TEKT3: variants seen among roughly 807,000 people sequenced by gnomAD.
TEKT3 encodes the protein tektin 3, also known as tektin-3.
In TEKT3, 49 loss-of-function variants were observed where a neutral mutation model predicts 49.8. The observed-to-expected ratio is 0.98, with a 90% CI of 0.78 to 1.25. The LOEUF is 1.25. Among genes scored for constraint, TEKT3 ranks in the 50% most tolerant of loss-of-function variants. The probability of loss-of-function intolerance (pLI) is 0.00; values close to 1 mark genes in which losing one functional copy is unlikely to be tolerated. For synonymous variants in TEKT3, 225 were observed against 237.2 expected, an observed-to-expected ratio of 0.95 and a Z score of 0.47; for missense variants, 595 against 629.5, an observed-to-expected ratio of 0.95 and a Z score of 0.59.
At chr17:15,306,089 A>ATATATATATATATGTGTGTGTG (rs1291765039) in intron 8 of TEKT3, among the ~76,000 whole-genome samples, 3 of 144,314 alleles carry the variant, frequency 2.1e-5, no homozygotes, top group Admixed American at 7.0e-5. Flanking sequence ...ATTTATATAT[A>ATATATATATATATGTGTGTGTG]TGTGTGTGTG....
chr17:15,331,920 T>G (rs150934862), intron 2 of TEKT3, among the ~76,000 whole-genome samples: 372 of 152,338 alleles, frequency 2.4e-3, no homozygotes, highest in African/African-American at 8.2e-3. Context: ...GAGCCTAAAC[T>G]ATGCATCTTA....
At chr17:15,317,272 G>T (rs957050838) in intron 5 of TEKT3, among the ~76,000 whole-genome samples, 12 of 152,242 alleles carry the variant, frequency 7.9e-5, no homozygotes, top group African/African-American at 2.2e-4. Flanking sequence ...TTTGTAACAG[G>T]GATTTACATG....
chr17:15,319,859 T>C (rs966522084), intron 4 of TEKT3, among the ~76,000 whole-genome samples: 1 of 152,238 alleles, frequency 6.6e-6, no homozygotes, highest in Admixed American at 6.5e-5. Flanking sequence ...GCACATTATG[T>C]ATGCACATTA....
At chr17:15,333,376 T>C (rs984080647) in intron 2 of TEKT3, among the ~76,000 whole-genome samples, 2 of 152,174 alleles carry the variant, frequency 1.3e-5, no homozygotes, top group African/African-American at 4.8e-5. Context: ...CAAGTCAAAA[T>C]CCACACAGAT....
At chr17:15,324,435 T>G (rs1911401226) in intron 4 of TEKT3, among the ~76,000 whole-genome samples, 1 of 152,226 alleles carries the variant, frequency 6.6e-6, no homozygotes, top group African/African-American at 2.4e-5. Context: ...GGCATATGTT[T>G]TCTTTTCTCC....
In TEKT3 at chr17:15,314,108, C is replaced by G; in HGVS notation, c.857G>C (p.Gly286Ala). The change falls in exon 6 of 9, where the codon GGA (glycine) becomes GCA (alanine). Residue 286 changes from glycine (G) to alanine (A), a missense_variant. By Grantham distance (60) the Gly-to-Ala change is moderately conservative. Transcript: ENST00000395930. Reference sequence around the variant, plus strand: ...TTACGTTGCATCGACCCTCTCCACTCCGCGGAAGTAGCCGACACCGTCTGA... The same window carrying G: ...TTACGTTGCATCGACCCTCTCCACTGCGCGGAAGTAGCCGACACCGTCTGA... ...NTSDGVGYFRGVERVDATVSV... is the reference protein window; with the variant it reads ...NTSDGVGYFRAVERVDATVSV... 6.2e-7 allele frequency: 1 copy of G among 1,614,204 alleles called. No individual in the cohort carries two copies. The highest frequency in any genetic ancestry group is 1.3e-5 in the African/African-American group (1 of 75,062).
chr17:15,326,791 A>T (rs1021268852), intron 4 of TEKT3, among the ~76,000 whole-genome samples: 2 of 152,240 alleles, frequency 1.3e-5, no homozygotes, highest in Non-Finnish European at 2.9e-5. Flanking sequence ...CAGGTACATG[A>T]TACTTGAAAT....
At chr17:15,319,732 C>T (rs1015149740) in intron 4 of TEKT3, among the ~76,000 whole-genome samples, 2 of 152,154 alleles carry the variant, frequency 1.3e-5, no homozygotes, top group Admixed American at 6.5e-5. Context: ...CTCTACTGGA[C>T]CACACACGTT....
rs1271813570 is a variant in TEKT3, at chr17:15,304,119, G to T, written c.1290C>A (p.Thr430=). The T allele has an allele frequency of 1.2e-6, 2 of 1,614,054 alleles. No individual in the cohort carries two copies. The highest frequency in any genetic ancestry group is 1.7e-5 in the Admixed American group (1 of 60,004). ...TCAGGCGCTGCTGCAGGGTCTGGATGGTGTCGTCAACCTCGTGTACCTCGT... is the reference window on the plus strand; with the variant it reads ...TCAGGCGCTGCTGCAGGGTCTGGATTGTGTCGTCAACCTCGTGTACCTCGT... ...LVNEVHEVDD[T]IQTLQQRLRD... The change falls in exon 9 of 9, where the codon ACC becomes ACA. Residue 430 remains threonine, a synonymous_variant. Coordinates refer to ENST00000395930, the MANE Select transcript of TEKT3 (RefSeq NM_031898.3). The surrounding 1 kb of genome is among the most constrained non-coding windows in gnomAD (Gnocchi z 4.7).
Position 15,312,139 on chromosome 17 carries a change from C to T in TEKT3, c.1101+120G>A. On this transcript the variant is annotated intron_variant, in intron 7 of 8. Transcript: ENST00000395930. ...TGTGCTGTTTTAAATTTTTCTTGCTCTGTGTGGCCAGGCTGTCACATGCCT... is the reference window on the plus strand; with the variant it reads ...TGTGCTGTTTTAAATTTTTCTTGCTTTGTGTGGCCAGGCTGTCACATGCCT... The T allele has an allele frequency of 4.4e-6, 4 of 906,634 alleles. No individual in the cohort carries two copies. The South Asian group carries it at 4.9e-5, about 11-fold the overall frequency. The allele number at this position is 906,634 out of a possible 1,614,324, so 56.2% of individuals were successfully genotyped here.
At chr17:15,309,189 C>T (rs1910667078) in intron 7 of TEKT3, among the ~76,000 whole-genome samples, 1 of 152,212 alleles carries the variant, frequency 6.6e-6, no homozygotes, top group Non-Finnish European at 1.5e-5. Flanking sequence ...CTGACCAGCA[C>T]ACCTCTGTGT....
At chr17:15,329,932 G>T (rs1053967228) in intron 3 of TEKT3, among the ~76,000 whole-genome samples, 1 of 152,188 alleles carries the variant, frequency 6.6e-6, no homozygotes, top group African/African-American at 2.4e-5. Flanking sequence ...TTCAAACATG[G>T]AATGTCTTCT....
intron 3 of TEKT3, among the ~76,000 whole-genome samples, chr17:15,330,493 C>T (rs898395581): frequency 2.0e-5 from 3 of 152,092 alleles, no homozygotes; most frequent in Admixed American, 2.0e-4. Context: ...AAGTGTGTGG[C>T]ACCCTCCCCC....
chr17:15,323,402 G>T (rs533106017), intron 4 of TEKT3, among the ~76,000 whole-genome samples: 1 of 152,300 alleles, frequency 6.6e-6, no homozygotes, highest in South Asian at 2.1e-4. Flanking sequence ...AGGGCAGGCT[G>T]CAGGGTAGAT....
chr17:15,338,621 C>G (rs1373150283), intron 2 of TEKT3: 1 of 151,404 alleles, frequency 6.6e-6, no homozygotes, highest in East Asian at 1.9e-4. Flanking sequence ...TCTCCTGCCT[C>G]AGCCTCCAGC....
intron 3 of TEKT3, among the ~76,000 whole-genome samples, chr17:15,328,477 T>C (rs1357119413): frequency 6.6e-6 from 1 of 152,196 alleles, no homozygotes; most frequent in Non-Finnish European, 1.5e-5. Flanking sequence ...AAATGAATGA[T>C]TATCTTTAAA....
At chr17:15,320,182 C>A (rs1402469485) in intron 4 of TEKT3, among the ~76,000 whole-genome samples, 1 of 152,266 alleles carries the variant, frequency 6.6e-6, no homozygotes, top group Admixed American at 6.5e-5. Flanking sequence ...GGAACCACAC[C>A]CCCACCACCC....
At chr17:15,336,653 A>C (rs1240613715) in intron 2 of TEKT3, among the ~76,000 whole-genome samples, 2 of 152,206 alleles carry the variant, frequency 1.3e-5, no homozygotes, top group African/African-American at 4.8e-5. Flanking sequence ...AAATAGAAGT[A>C]AATTATATGG....
intron 6 of TEKT3, 26 bp downstream of exon 6, chr17:15,314,061 A>C (rs1910884827): frequency 2.5e-6 from 4 of 1,613,832 alleles, no homozygotes; most frequent in Non-Finnish European, 3.4e-6. Context: ...CATCGAAATC[A>C]CAGCCGTGGC....
Sources: allele counts gnomAD v4.1 joint callset (sites outside exome capture counted in the v4.1 genomes callset), GRCh38; gene constraint gnomAD v4.1.1; non-coding constraint Gnocchi (gnomAD v3.1); transcripts MANE v1.5; gene names NCBI Gene and HGNC (gene_info 2026-07-23, HGNC 2026-07-21).